The following SLC7A2 variants were observed in gnomAD, a reference collection of about 807,000 sequenced individuals.
The protein encoded by SLC7A2 is cationic amino acid transporter 2.
SLC7A2 carries 48 observed loss-of-function variants against 58.9 expected under a neutral mutation model. That is an observed-to-expected ratio of 0.82 (90% CI 0.65 to 1.04). The LOEUF is 1.04. Ranked by LOEUF, SLC7A2 falls within the 50% of genes least tolerant of loss-of-function variation. The pLI, the probability that SLC7A2 is intolerant of heterozygous loss-of-function variation, is 0.00. For synonymous variants in SLC7A2, 363 were observed against 314.5 expected (o/e 1.15, Z -1.63); for missense variants, 1,029 against 818.8 (o/e 1.26, Z -3.13).
chr8:17,506,381 C>T (rs1003162223), intron 2 of SLC7A2, among the ~76,000 whole-genome samples: 1 of 152,178 alleles, frequency 6.6e-6, no homozygotes, highest in African/African-American at 2.4e-5. Flanking sequence ...GGTTATATCA[C>T]TATAAAAATG....
chr8:17,525,319 C>A (rs555221184), intron 2 of SLC7A2, among the ~76,000 whole-genome samples: 1 of 152,228 alleles, frequency 6.6e-6, no homozygotes, highest in East Asian at 1.9e-4. Flanking sequence ...CCTGTCATAA[C>A]CATTTCACTA....
At chr8:17,507,471 C>T (rs1286299183) in intron 2 of SLC7A2, among the ~76,000 whole-genome samples, 2 of 152,084 alleles carry the variant, frequency 1.3e-5, no homozygotes, top group Non-Finnish European at 2.9e-5. Flanking sequence ...GCCTTGGCCT[C>T]CCAAAGTGCA....
chr8:17,527,277 A>G (rs965893738), intron 2 of SLC7A2, among the ~76,000 whole-genome samples: 1 of 152,174 alleles, frequency 6.6e-6, no homozygotes, highest in Non-Finnish European at 1.5e-5. Flanking sequence ...TTTGAGAAAA[A>G]AGACATGAGG....
rs951125111 is a variant in SLC7A2, at chr8:17,564,817, G to A, written c.1781-133G>A. 3 of 712,738 alleles carry A rather than the reference G, an allele frequency of 4.2e-6. No individual in the cohort carries two copies. The African/African-American group carries it at 5.4e-5, about 13-fold the overall frequency. The allele number at this position is 712,738 out of a possible 1,614,324, so 44.2% of individuals were successfully genotyped here. On this transcript the variant is annotated intron_variant, in intron 12 of 12. Coordinates refer to ENST00000494857, the MANE Select transcript of SLC7A2 (RefSeq NM_001370338.1). ...AGTGGTCTGTGGCCCAGGGGTTGGT[G>A]ACCCCCGTTCTAAAGTACTACAGAA...
chr8:17,512,632 C>T (rs975757100), intron 2 of SLC7A2, among the ~76,000 whole-genome samples: 1 of 151,948 alleles, frequency 6.6e-6, no homozygotes, highest in Non-Finnish European at 1.5e-5. Flanking sequence ...TTTTTTTCCC[C>T]CTATATTTAA....
intron 2 of SLC7A2, among the ~76,000 whole-genome samples, chr8:17,532,229 C>CAAAAAAAAAAAAACAAA (rs1801481693): frequency 2.2e-5 from 1 of 46,202 alleles, no homozygotes; most frequent in African/African-American, 1.0e-4. Flanking sequence ...GACTCTATCT[C>CAAAAAAAAAAAAACAAA]AAAAAAAAAA....
intron 2 of SLC7A2, among the ~76,000 whole-genome samples, chr8:17,541,396 G>C (rs1801905675): frequency 6.6e-6 from 1 of 152,216 alleles, no homozygotes; most frequent in African/African-American, 2.4e-5. Context: ...CAAAACTGGA[G>C]ATGTCAACGT....
chr8:17,552,017 G>A (rs1315960298), intron 7 of SLC7A2, 31 bp downstream of exon 7: 2 of 1,579,020 alleles, frequency 1.3e-6, no homozygotes, highest in South Asian at 1.1e-5. Context: ...GGCACGGGCT[G>A]TTTGGGACTC....
rs773741287 is a variant in SLC7A2, at chr8:17,567,004, A to T, written c.*1858A>T. 2.0e-5 allele frequency: 3 copies of T among 152,650 alleles called. No individual in the cohort carries two copies. Among genetic ancestry groups the T allele is most frequent in the Non-Finnish European group, 4.4e-5 (3 of 68,042 alleles). 9.5% of individuals were successfully genotyped at this position (152,650 alleles called of 1,614,324 possible). On this transcript the variant is annotated 3_prime_UTR_variant, in exon 13 of 13. Transcript: ENST00000494857. ...AGTTTATTGTGATTAAACATCAAAGAAACAGGTAGAAAGCCTGGGTTTCTG... is the reference window on the plus strand; with the variant it reads ...AGTTTATTGTGATTAAACATCAAAGTAACAGGTAGAAAGCCTGGGTTTCTG...
chr8:17,519,270 T>A lies in SLC7A2; in HGVS notation c.-23+16968T>A, dbSNP rs187337578. Among the ~76,000 whole-genome samples the A allele has an allele frequency of 1.1e-3, 165 of 152,342 alleles. 1 individual carries two copies. The highest frequency in any genetic ancestry group is 3.9e-3 in the African/African-American group (163 of 41,582). On this transcript the variant is annotated intron_variant, in intron 2 of 12. Transcript: ENST00000494857. ...GTTAGGTTTATATATGTAATACACTTAGCCTAGTTCCTAAAACATAGTACG... is the reference window on the plus strand; with the variant it reads ...GTTAGGTTTATATATGTAATACACTAAGCCTAGTTCCTAAAACATAGTACG...
At chr8:17,546,345 C>G (rs1802172091) in intron 4 of SLC7A2, among the ~76,000 whole-genome samples, 1 of 152,222 alleles carries the variant, frequency 6.6e-6, no homozygotes, top group Non-Finnish European at 1.5e-5. Flanking sequence ...TATGTTTTAA[C>G]TTTGTTCTTA....
chr8:17,499,868 C>G (rs962682690), intron 1 of SLC7A2: 2 of 152,114 alleles, frequency 1.3e-5, no homozygotes, highest in African/African-American at 4.8e-5. Context: ...TTGTTCTTGT[C>G]ATTGTCTTCC....
At chr8:17,558,486 G>A in intron 9 of SLC7A2, 89 bp downstream of exon 9, 1 of 750,192 alleles carries the variant, frequency 1.3e-6, no homozygotes. Flanking sequence ...GGCTTCCAGG[G>A]AGCCAGCAGT....
chr8:17,524,900 T>G (rs376576321), intron 2 of SLC7A2, among the ~76,000 whole-genome samples: 15 of 152,252 alleles, frequency 9.9e-5, no homozygotes, highest in East Asian at 9.7e-4. Context: ...CTGTGCTCAC[T>G]TGCTGCTTAT....
At chr8:17,508,627 G>C (rs552729668) in intron 2 of SLC7A2, among the ~76,000 whole-genome samples, 1 of 151,976 alleles carries the variant, frequency 6.6e-6, no homozygotes, top group South Asian at 2.1e-4. Flanking sequence ...AGGAGGCTGC[G>C]GTATGAGAAT....
upstream of SLC7A2, among the ~76,000 whole-genome samples, chr8:17,496,362 A>G (rs940279692): frequency 9.2e-5 from 14 of 152,268 alleles, no homozygotes; most frequent in African/African-American, 3.4e-4. Flanking sequence ...ACACACTGAC[A>G]CACACTTATT....
chr8:17,516,861 A>C (rs940981441), intron 2 of SLC7A2, among the ~76,000 whole-genome samples: 2 of 152,222 alleles, frequency 1.3e-5, no homozygotes, highest in African/African-American at 4.8e-5. Context: ...CCATGTGCCA[A>C]GCACTCTAGG....
chr8:17,533,364 A>G (rs973526647), intron 2 of SLC7A2, among the ~76,000 whole-genome samples: 1 of 152,272 alleles, frequency 6.6e-6, no homozygotes, highest in Non-Finnish European at 1.5e-5. Context: ...CAGCAAAACC[A>G]TAAATCTCAA....
chr8:17,545,545 G>C, intron 4 of SLC7A2, among the ~76,000 whole-genome samples: 1 of 151,218 alleles, frequency 6.6e-6, no homozygotes, highest in South Asian at 2.1e-4. Flanking sequence ...CTACAGGTGC[G>C]CGCCACCGCA....
Sources: gnomAD v4.1 joint callset for allele counts (sites outside exome capture counted in the v4.1 genomes callset) on GRCh38, gnomAD v4.1.1 for gene constraint, MANE v1.5 for transcripts, NCBI Gene and HGNC (gene_info 2026-07-23, HGNC 2026-07-21) for gene names.